Variants in FRMD6 observed in about 807,000 individuals in gnomAD.
FRMD6 encodes FERM domain containing 6.
A neutral mutation model predicts 73.2 loss-of-function variants in FRMD6; 37 were observed. The observed-to-expected ratio is 0.51, with a 90% CI of 0.39 to 0.66. FRMD6 has a LOEUF of 0.66. Ranked by LOEUF, FRMD6 falls within the 30% of genes least tolerant of loss-of-function variation. The pLI is 0.00. For synonymous variants in FRMD6, 273 were observed against 282.2 expected, an observed-to-expected ratio of 0.97 and a Z score of 0.33; for missense variants, 714 against 780.5, an observed-to-expected ratio of 0.91 and a Z score of 1.02.
At chr14:51,474,555 G>A in the FRMD6 span, among the ~76,000 whole-genome samples, 4 of 152,306 alleles carry the variant, frequency 2.6e-5, no homozygotes, top group East Asian at 5.8e-4. Flanking sequence ...ATTTTGGTTT[G>A]TAGAAAGGAA....
the FRMD6 span, among the ~76,000 whole-genome samples, chr14:51,413,826 C>T: frequency 1.3e-5 from 2 of 152,056 alleles, no homozygotes; most frequent in African/African-American, 2.4e-5. Context: ...ATCTGTTGTA[C>T]CCTGACTTTT....
At chr14:51,689,339 G>C (rs1407693766) in intron 1 of FRMD6, among the ~76,000 whole-genome samples, 4 of 152,178 alleles carry the variant, frequency 2.6e-5, no homozygotes, top group African/African-American at 4.8e-5. Flanking sequence ...TATTGCTGTT[G>C]TTTTTGCCAT....
chr14:51,628,791 ACT>A (rs1353975972), intron 2 of FRMD6, among the ~76,000 whole-genome samples: 1 of 79,750 alleles, frequency 1.3e-5, no homozygotes, highest in Non-Finnish European at 2.3e-5. Flanking sequence ...ACAGAGCAAG[ACT>A]CTGTCTCAAA....
At chr14:51,621,050 G>C (rs1461964101) in intron 2 of FRMD6, among the ~76,000 whole-genome samples, 60 of 152,284 alleles carry the variant, frequency 3.9e-4, no homozygotes, top group Non-Finnish European at 5.9e-5. Context: ...ACATTCCAGG[G>C]CTGATGTATA....
At chr14:51,415,938 C>T in the FRMD6 span, among the ~76,000 whole-genome samples, 589 of 152,228 alleles carry the variant, frequency 3.9e-3, 2 homozygotes, top group East Asian at 8.7e-3. Context: ...AGTTTATTTG[C>T]GTAGAGGTGT....
At chr14:51,580,900 C>A (rs1350827001) in intron 2 of FRMD6, among the ~76,000 whole-genome samples, 5 of 152,182 alleles carry the variant, frequency 3.3e-5, no homozygotes, top group South Asian at 4.1e-4. Context: ...CAGTGCACAG[C>A]CTGCTCATCT....
the FRMD6 span, among the ~76,000 whole-genome samples, chr14:51,429,644 A>G: frequency 4.9e-4 from 74 of 152,352 alleles, no homozygotes; most frequent in Non-Finnish European, 1.0e-4. Context: ...GGCTTTTAAA[A>G]GAGACCAAGC....
At chr14:51,655,974 A>G (rs1357143356) in intron 1 of FRMD6, among the ~76,000 whole-genome samples, 2 of 152,206 alleles carry the variant, frequency 1.3e-5, no homozygotes, top group Non-Finnish European at 2.9e-5. Context: ...TGATTCTACA[A>G]ATATTTAATT....
At chr14:51,648,691 TAAC>T (rs1892189734), upstream of FRMD6, among the ~76,000 whole-genome samples, 1 of 152,236 alleles carries the variant, frequency 6.6e-6, no homozygotes, top group Admixed American at 6.5e-5. Context: ...AACTATGTTG[TAAC>T]TGTTAACTCA....
intron 1 of FRMD6, among the ~76,000 whole-genome samples, chr14:51,555,470 C>T (rs1042735413): frequency 2.0e-5 from 3 of 152,128 alleles, no homozygotes; most frequent in Non-Finnish European, 4.4e-5. Flanking sequence ...AAGGTTGTAG[C>T]TTTAATTACA....
chr14:51,644,839 A>C (rs2140048570), intron 2 of FRMD6, among the ~76,000 whole-genome samples: 1 of 152,332 alleles, frequency 6.6e-6, no homozygotes, highest in East Asian at 1.9e-4. Flanking sequence ...CAAATATATA[A>C]AAATGTTTTT....
chr14:51,691,697 C>T (rs538358782), intron 2 of FRMD6, among the ~76,000 whole-genome samples: 20 of 146,454 alleles, frequency 1.4e-4, no homozygotes, highest in African/African-American at 4.5e-4. Flanking sequence ...CAGCTTCAAG[C>T]GATTCTCCTG....
chr14:51,401,588 A>G, the FRMD6 span, among the ~76,000 whole-genome samples: 2 of 152,194 alleles, frequency 1.3e-5, no homozygotes, highest in Non-Finnish European at 2.9e-5. Flanking sequence ...TCCTAACCCA[A>G]GCTCAGGCCA....
intron 2 of FRMD6, among the ~76,000 whole-genome samples, chr14:51,585,073 C>G (rs1286525518): frequency 6.6e-6 from 1 of 152,166 alleles, no homozygotes; most frequent in Non-Finnish European, 1.5e-5. Flanking sequence ...CTATCATTCC[C>G]CTTTGCTGCA....
At chr14:51,720,883 G>A (rs1897520315) in intron 11 of FRMD6, among the ~76,000 whole-genome samples, 1 of 152,186 alleles carries the variant, frequency 6.6e-6, no homozygotes, top group African/African-American at 2.4e-5. Flanking sequence ...TATAGCACCT[G>A]GTTGATAGGA....
chr14:51,614,847 A>G lies in FRMD6; in HGVS notation c.-147+44437A>G, dbSNP rs1350491014. 4.6e-5 allele frequency among the ~76,000 whole-genome samples: 7 copies of G among 152,262 alleles called. No homozygotes were observed. The East Asian group carries it at 1.2e-3, about 25-fold the overall frequency. On this transcript the variant is annotated intron_variant, in intron 2 of 14. Transcript: ENST00000356218. ...TCTAAGGGCCATCAGCATACTTCCA[A>G]TGCCTCTAAATCAAGGGTCTGTGGT...
chr14:51,649,667 G>GA (rs1566527292), upstream of FRMD6: 1 of 151,752 alleles, frequency 6.6e-6, no homozygotes, highest in Non-Finnish European at 1.5e-5. Flanking sequence ...ACAAAAATGA[G>GA]AAAAAAAGTG....
At chr14:51,562,198 C>T (rs984117901) in intron 1 of FRMD6, among the ~76,000 whole-genome samples, 1 of 152,228 alleles carries the variant, frequency 6.6e-6, no homozygotes, top group African/African-American at 2.4e-5. Context: ...CATCTGCAGG[C>T]TCTATGATCA....
intron 2 of FRMD6, among the ~76,000 whole-genome samples, chr14:51,633,513 A>C (rs552779834): frequency 6.8e-6 from 1 of 146,812 alleles, no homozygotes; most frequent in Non-Finnish European, 1.5e-5. Flanking sequence ...AGAAACGAGG[A>C]TCACCTGAGC....
Sources: allele counts gnomAD v4.1 joint callset (sites outside exome capture counted in the v4.1 genomes callset), GRCh38; gene constraint gnomAD v4.1.1; transcripts MANE v1.5; gene names NCBI Gene and HGNC (gene_info 2026-07-23, HGNC 2026-07-21).